Variants in KAZN observed in about 807,000 individuals in gnomAD.
KAZN encodes kazrin.
A neutral mutation model predicts 87.4 loss-of-function variants in KAZN; 40 were observed. The observed-to-expected ratio is 0.46, with a 90% CI of 0.36 to 0.60. KAZN has a LOEUF of 0.60. Among genes scored for constraint, KAZN ranks in the 20% least tolerant of loss-of-function variants. The pLI is 0.00. For synonymous variants in KAZN, 466 were observed against 458.3 expected (o/e 1.02, Z -0.22); for missense variants, 898 against 1,073.9 (o/e 0.84, Z 2.29).
chr1:14,640,560 T>A (rs566563491), intron 1 of KAZN, among the ~76,000 whole-genome samples: 2 of 152,266 alleles, frequency 1.3e-5, no homozygotes, highest in Admixed American at 6.5e-5. Flanking sequence ...TAACTTCCTG[T>A]CTTAGTTCTT....
intron 2 of KAZN, among the ~76,000 whole-genome samples, chr1:14,508,726 G>A (rs1280650067): frequency 6.6e-6 from 1 of 152,188 alleles, no homozygotes; most frequent in Non-Finnish European, 1.5e-5. Context: ...CAGTATAAGA[G>A]TAATTATGTT....
chr1:14,442,009 G>A (rs1666734037), intron 2 of KAZN, among the ~76,000 whole-genome samples: 4 of 152,194 alleles, frequency 2.6e-5, no homozygotes, highest in African/African-American at 9.7e-5. Flanking sequence ...CTACACAAGG[G>A]AACCCAGCTG....
chr1:14,105,771 C>T lies in KAZN; in HGVS notation c.92-74664C>T, dbSNP rs141261451. Among the ~76,000 whole-genome samples the T allele has an allele frequency of 1.8e-3, 272 of 152,268 alleles. 2 individuals are homozygous for T. The highest frequency in any genetic ancestry group is 6.3e-3 in the African/African-American group (263 of 41,550). ...CTAGCAAGTTAAGACCCTTGAGCTG[C>T]GTGGAAGAGTCTCAGGTGCCACAGA... On this transcript the variant is annotated intron_variant, in intron 1 of 16. Transcript: ENST00000636203.
intron 1 of KAZN, among the ~76,000 whole-genome samples, chr1:14,921,712 C>G (rs1273591386): frequency 6.6e-6 from 1 of 152,048 alleles, no homozygotes; most frequent in Non-Finnish European, 1.5e-5. Flanking sequence ...TGTTGTTGTT[C>G]TTGTTTGTTT....
chr1:14,487,927 A>T (rs1013464970), intron 2 of KAZN, among the ~76,000 whole-genome samples: 4 of 152,296 alleles, frequency 2.6e-5, no homozygotes, highest in South Asian at 4.1e-4. Context: ...TTCAGTTGGG[A>T]TGTGCTGAGG....
intron 1 of KAZN, among the ~76,000 whole-genome samples, chr1:14,024,078 G>A (rs80310690): frequency 0.023 from 3,562 of 152,270 alleles, 129 homozygotes; most frequent in African/African-American, 0.08. Context: ...GTTAGGGATC[G>A]TGTGACAAGG....
chr1:14,115,587 T>C (rs1490029885), intron 1 of KAZN, among the ~76,000 whole-genome samples: 1 of 152,126 alleles, frequency 6.6e-6, no homozygotes, highest in Non-Finnish European at 1.5e-5. Flanking sequence ...ACCTTTTACT[T>C]CCCAGTCCTA....
intron 1 of KAZN, among the ~76,000 whole-genome samples, chr1:14,153,135 T>C (rs1243445042): frequency 2.0e-5 from 3 of 152,168 alleles, no homozygotes; most frequent in African/African-American, 7.2e-5. Context: ...CGTCTCCCAA[T>C]ATTTGGGAGT....
intron 2 of KAZN, among the ~76,000 whole-genome samples, chr1:14,438,005 C>A (rs1218113033): frequency 2.6e-5 from 4 of 151,946 alleles, no homozygotes; most frequent in Non-Finnish European, 4.4e-5. Flanking sequence ...AGCTCTCATC[C>A]CAGTTTTGCC....
chr1:14,713,279 C>G (rs1050162903), intron 1 of KAZN, among the ~76,000 whole-genome samples: 2 of 152,216 alleles, frequency 1.3e-5, no homozygotes, highest in African/African-American at 4.8e-5. Context: ...TGGGTGCTAG[C>G]ATCTCATTGG....
chr1:14,395,112 AGAAG>A (rs1662783381), intron 2 of KAZN, among the ~76,000 whole-genome samples: 1 of 152,124 alleles, frequency 6.6e-6, no homozygotes, highest in Admixed American at 6.5e-5. Flanking sequence ...AAGGGGGAAA[AGAAG>A]GAAGGAGAGG....
chr1:15,076,984 C>T (rs894928305), intron 8 of KAZN, among the ~76,000 whole-genome samples: 5 of 152,142 alleles, frequency 3.3e-5, no homozygotes, highest in South Asian at 4.1e-4. Context: ...TGCAGATAGG[C>T]GGGTCAGTGA....
intron 10 of KAZN, among the ~76,000 whole-genome samples, chr1:15,098,751 A>G (rs1263021659): frequency 1.3e-5 from 2 of 152,222 alleles, no homozygotes; most frequent in Admixed American, 6.5e-5. Context: ...AGAAGTTTCC[A>G]GTTCAGGAGC....
Position 14,727,372 on chromosome 1 carries a change from A to T in KAZN, c.226+128149A>T, listed in dbSNP as rs568713893. On this transcript the variant is annotated intron_variant, in intron 1 of 14. Transcript: ENST00000376030. Reference sequence around the variant, plus strand: ...GCACCAGGGATGGGTTTCATTGAAGACAATTTTTCCATGGACAGAGGCCAA... The same window carrying T: ...GCACCAGGGATGGGTTTCATTGAAGTCAATTTTTCCATGGACAGAGGCCAA... Among the ~76,000 whole-genome samples the T allele has an allele frequency of 2.5e-3, 363 of 146,322 alleles. 6 individuals carry two copies. Among genetic ancestry groups the T allele is most frequent in the Non-Finnish European group, 7.3e-4 (49 of 67,152 alleles).
intron 1 of KAZN, among the ~76,000 whole-genome samples, chr1:13,907,301 G>A (rs748077032): frequency 7.9e-5 from 12 of 152,168 alleles, no homozygotes; most frequent in South Asian, 2.1e-4. Flanking sequence ...ATCAGTTGGC[G>A]AATGTCTCCC....
intron 2 of KAZN, among the ~76,000 whole-genome samples, chr1:14,993,294 A>G (rs1024073405): frequency 6.6e-6 from 1 of 151,522 alleles, no homozygotes; most frequent in Non-Finnish European, 1.5e-5. Context: ...ATGGCGAAAC[A>G]CTGTCTCTAC....
intron 1 of KAZN, among the ~76,000 whole-genome samples, chr1:13,953,453 AT>A: frequency 6.6e-6 from 1 of 152,274 alleles, no homozygotes; most frequent in South Asian, 2.1e-4. Context: ...TCAAAATTGA[AT>A]GGTTGTTTGT....
intron 1 of KAZN, among the ~76,000 whole-genome samples, chr1:13,900,543 T>G (rs779364920): frequency 6.6e-6 from 1 of 152,110 alleles, no homozygotes; most frequent in East Asian, 1.9e-4. Flanking sequence ...AGCCTTGGAG[T>G]AAGCAGCGTA....
chr1:14,546,233 C>T (rs1673132854), intron 2 of KAZN, among the ~76,000 whole-genome samples: 1 of 152,214 alleles, frequency 6.6e-6, no homozygotes, highest in Non-Finnish European at 1.5e-5. Context: ...ATAATACACA[C>T]TGTCAATAGC....
Sources: gnomAD v4.1 joint callset for allele counts (sites outside exome capture counted in the v4.1 genomes callset) on GRCh38, gnomAD v4.1.1 for gene constraint, MANE v1.5 for transcripts, NCBI Gene and HGNC (gene_info 2026-07-23, HGNC 2026-07-21) for gene names.